STAG2: variants seen among roughly 807,000 people sequenced by gnomAD.
STAG2 encodes cohesin subunit SA-2.
In STAG2, 14 loss-of-function variants were observed where a neutral mutation model predicts 108.1. The observed-to-expected ratio is 0.13, with a 90% CI of 0.09 to 0.20. The LOEUF (loss-of-function observed/expected upper bound fraction) is 0.20. Among genes scored for constraint, STAG2 ranks in the 10% least tolerant of loss-of-function variants. The probability of loss-of-function intolerance (pLI) is 1.00; values close to 1 mark genes in which losing one functional copy is unlikely to be tolerated. For synonymous variants in STAG2, 307 were observed against 302.7 expected (o/e 1.01, Z -0.15); for missense variants, 440 against 940.9 (o/e 0.47, Z 6.96).
At chrX:124,020,663 G>A (rs966229030) in intron 1 of STAG2, among the ~76,000 whole-genome samples, 7 of 110,930 alleles carry the variant, frequency 6.3e-5, no homozygotes, top group Non-Finnish European at 1.1e-4. Context: ...CTCCAGCCTG[G>A]GTGACAGAGT....
intron 6 of STAG2, among the ~76,000 whole-genome samples, chrX:124,041,609 A>G (rs2057722750): frequency 9.0e-6 from 1 of 111,362 alleles, no homozygotes; most frequent in African/African-American, 3.3e-5. Context: ...ATAATTCAAC[A>G]ATAAAAACAG....
In STAG2 at chrX:124,086,573, C is replaced by A. The variant is rs2148464947; in HGVS notation, c.3080C>A (p.Thr1027Asn). 1 of 1,210,064 alleles carries A rather than the reference C, an allele frequency of 8.3e-7. No homozygotes were observed. The highest frequency in any genetic ancestry group is 1.1e-6 in the Non-Finnish European group (1 of 894,190). The change falls in exon 30 of 35, where the codon ACC becomes AAC. Residue 1027 changes from threonine (T) to asparagine (N), a missense_variant. By Grantham distance (65) the Thr-to-Asn change is moderately conservative. This residue lies in a region of STAG2 where 337 missense variants were observed against 649.3 expected (regional missense o/e 0.52). Transcript: ENST00000371145. ...TATGTTTACTTGGAAAAGTTCATGA[C>A]CTTTCAGATGTCACTCCGAAGAGAG... is the stretch of plus-strand genomic sequence containing the variant. ...TVYVYLEKFM[T>N]FQMSLRREDV...
chrX:124,089,837 C>CT (rs1199302226), intron 30 of STAG2, among the ~76,000 whole-genome samples: 1 of 110,186 alleles, frequency 9.1e-6, no homozygotes, highest in Non-Finnish European at 1.9e-5. Context: ...TGAAATTGCC[C>CT]TTTTTGTAGG....
At chrX:123,969,893 C>A (rs756175191) in intron 1 of STAG2, among the ~76,000 whole-genome samples, 4 of 107,810 alleles carry the variant, frequency 3.7e-5, no homozygotes, top group African/African-American at 1.0e-4. Flanking sequence ...GTGATTCACC[C>A]ATCTCCACCC....
At chrX:124,055,952 C>T in intron 13 of STAG2, among the ~76,000 whole-genome samples, 176 bp from the exon 14 acceptor site, 1 of 108,554 alleles carries the variant, frequency 9.2e-6, no homozygotes, top group Non-Finnish European at 1.9e-5. Flanking sequence ...TGCCATTTAT[C>T]TTTGATAGAT....
intron 1 of STAG2, among the ~76,000 whole-genome samples, chrX:124,006,690 C>T (rs1453314713): frequency 2.7e-5 from 3 of 111,053 alleles, no homozygotes; most frequent in Admixed American, 9.6e-5. Flanking sequence ...CCGCCCACCT[C>T]GGCCTCCCAA....
chrX:124,081,721 C>T (rs762596159), intron 28 of STAG2, among the ~76,000 whole-genome samples, 193 bp downstream of exon 28: 1 of 112,258 alleles, frequency 8.9e-6, no homozygotes, highest in East Asian at 2.8e-4. Context: ...ATGAGTTGGG[C>T]CAGGCTTGGT....
chrX:124,003,308 G>A lies in STAG2; in HGVS notation c.-162-18059G>A, dbSNP rs190915437. 4.4e-4 allele frequency among the ~76,000 whole-genome samples: 49 copies of A among 110,547 alleles called. No individual in the cohort carries two copies. In the East Asian group the frequency reaches 0.013, roughly 29 times the overall value. The stretch of plus-strand genomic sequence containing the variant: ...AATTACAGTTGCTAATCTTGTTTGC[G>A]TCACTGATTTCATTGTTAGTTAGGG... On this transcript the variant is annotated intron_variant, in intron 1 of 34. Transcript: ENST00000371145.
chrX:124,093,987 C>T (rs769382503), intron 32 of STAG2, 31 bp from the exon 33 acceptor site: 3 of 1,204,335 alleles, frequency 2.5e-6, no homozygotes, highest in Non-Finnish European at 3.4e-6. Flanking sequence ...GACATTAGTT[C>T]AGATCTTGAC....
At chrX:124,029,010 TA>T (rs57544478) in intron 4 of STAG2, among the ~76,000 whole-genome samples, 35 of 98,471 alleles carry the variant, frequency 3.6e-4, no homozygotes, top group African/African-American at 1.1e-3. Context: ...TATATATATA[TA>T]TATTTATTTA....
intron 27 of STAG2, among the ~76,000 whole-genome samples, chrX:124,080,756 G>T (rs919360577): frequency 9.0e-6 from 1 of 111,404 alleles, no homozygotes; most frequent in African/African-American, 3.3e-5. Context: ...TTGACACAGT[G>T]TATAGTTAAC....
chrX:124,059,955 C>T (rs1252245910), intron 15 of STAG2, among the ~76,000 whole-genome samples: 3 of 111,794 alleles, frequency 2.7e-5, no homozygotes, highest in South Asian at 7.4e-4. Context: ...AACCACAGCA[C>T]GTGGCCCGGT....
chrX:124,065,868 A>T lies in STAG2; in HGVS notation c.2026-8A>T. ...TGATGGTTCTTAATGTATAATTAAT[A>T]TTTATAGGGTGAAGAACCTGATGAA... is the stretch of plus-strand genomic sequence containing the variant. On this transcript the variant is annotated splice_polypyrimidine_tract_variant and splice_region_variant and intron_variant, in intron 20 of 34. Transcript: ENST00000371145. 8.8e-7 allele frequency: 1 copy of T among 1,132,818 alleles called. No individual in the cohort carries two copies. Among genetic ancestry groups the T allele is most frequent in the Non-Finnish European group, 1.2e-6 (1 of 846,759 alleles). The allele number at this position is 1,132,818 out of a possible 1,213,427, so 93.4% of individuals were successfully genotyped here. A position where few individuals can be genotyped will look rare whatever the true frequency, so the allele number is the denominator to read the frequency against.
chrX:124,033,949 A>G (rs1221250616), intron 5 of STAG2, among the ~76,000 whole-genome samples: 2 of 111,123 alleles, frequency 1.8e-5, no homozygotes, highest in African/African-American at 3.3e-5. Flanking sequence ...GGAAGGGGCA[A>G]GGCAGCTCTC....
chrX:124,044,992 AG>A (rs2057834390), intron 7 of STAG2, among the ~76,000 whole-genome samples, 171 bp from the exon 8 acceptor site: 2 of 111,735 alleles, frequency 1.8e-5, no homozygotes, highest in African/African-American at 6.5e-5. Context: ...TGAAGTGTTC[AG>A]AGGTACCCCT....
intron 30 of STAG2, among the ~76,000 whole-genome samples, chrX:124,087,879 C>G (rs759054887): frequency 8.9e-6 from 1 of 112,022 alleles, no homozygotes; most frequent in Non-Finnish European, 1.9e-5. Flanking sequence ...ATTTTAGTAT[C>G]TTTTGTCCAG....
At chrX:124,074,490 T>G (rs1340286328) in intron 25 of STAG2, among the ~76,000 whole-genome samples, 1 of 112,342 alleles carries the variant, frequency 8.9e-6, no homozygotes, top group Non-Finnish European at 1.9e-5. Flanking sequence ...GTGTGCATCT[T>G]AAACTTGATC....
chrX:124,019,297 C>T (rs1023954170), intron 1 of STAG2, among the ~76,000 whole-genome samples: 9 of 110,172 alleles, frequency 8.2e-5, no homozygotes, highest in South Asian at 7.8e-4. Flanking sequence ...CCTTATGATC[C>T]GCCTGCCTTG....
At chrX:123,962,849 T>A (rs1053596820) in intron 1 of STAG2, among the ~76,000 whole-genome samples, 1 of 110,629 alleles carries the variant, frequency 9.0e-6, no homozygotes, top group Admixed American at 9.6e-5. Flanking sequence ...TCCATACCCC[T>A]TTTCTCCCAC....
Sources: gnomAD v4.1 joint callset for allele counts (sites outside exome capture counted in the v4.1 genomes callset) on GRCh38, gnomAD v4.1.1 for gene constraint, gnomAD v4.1.1 regional missense constraint, MANE v1.5 for transcripts, NCBI Gene and HGNC (gene_info 2026-07-23, HGNC 2026-07-21) for gene names.